Variants in BDP1 observed in about 807,000 individuals in gnomAD.
BDP1 encodes transcription factor TFIIIB component B'' homolog.
In BDP1, 169 loss-of-function variants were observed where a neutral mutation model predicts 266.6. That is an observed-to-expected ratio of 0.63 (90% CI 0.56 to 0.72). The LOEUF is 0.72. BDP1 is among the 30% of genes least tolerant of loss of function. The probability of loss-of-function intolerance (pLI) is 0.00; values close to 1 mark genes in which losing one functional copy is unlikely to be tolerated. For missense variants in BDP1, 3,015 were observed against 3,053.8 expected, an observed-to-expected ratio of 0.99 and a Z score of 0.30; for synonymous variants, 1,090 against 1,022.4, an observed-to-expected ratio of 1.07 and a Z score of -1.26.
chr5:71,546,705 A>G (rs1052841603), intron 32 of BDP1, among the ~76,000 whole-genome samples: 1 of 151,844 alleles, frequency 6.6e-6, no homozygotes, highest in Non-Finnish European at 1.5e-5. Context: ...CTTGTATCTA[A>G]TAAGGACAAG....
intron 18 of BDP1, 93 bp from the exon 19 acceptor site, chr5:71,513,092 A>C: frequency 1.3e-6 from 1 of 742,446 alleles, no homozygotes; most frequent in Non-Finnish European, 2.2e-6. Flanking sequence ...AAAAAAATTA[A>C]ATGTTTACCG....
chr5:71,575,770 G>A, the BDP1 span, among the ~76,000 whole-genome samples: 4 of 152,148 alleles, frequency 2.6e-5, no homozygotes, highest in Non-Finnish European at 4.4e-5. Context: ...ATGCTTAACA[G>A]TCCTACGCTA....
chr5:71,542,379 C>T, intron 30 of BDP1, 114 bp downstream of exon 30: 2 of 981,200 alleles, frequency 2.0e-6, no homozygotes. Flanking sequence ...AAAATAGTTT[C>T]AAATTAAAAA....
At chr5:71,549,732 G>T in intron 34 of BDP1, 126 bp downstream of exon 34, 6 of 743,000 alleles carry the variant, frequency 8.1e-6, no homozygotes, top group Non-Finnish European at 1.2e-5. Context: ...TATCATTTAT[G>T]TGGTAAGTTA....
At chr5:71,511,347 G>T in intron 17 of BDP1, 196 bp downstream of exon 17, 1 of 611,470 alleles carries the variant, frequency 1.6e-6, no homozygotes, top group Non-Finnish European at 2.7e-6. Context: ...ATAACTTTAG[G>T]CTGGGCACAC....
intron 16 of BDP1, among the ~76,000 whole-genome samples, chr5:71,505,870 A>G (rs946751669): frequency 6.6e-6 from 1 of 152,198 alleles, no homozygotes; most frequent in Non-Finnish European, 1.5e-5. Flanking sequence ...TGTCCCTCCA[A>G]AAAAGAAAAG....
At chr5:71,474,724 G>C (rs1762483618) in intron 7 of BDP1, among the ~76,000 whole-genome samples, 1 of 152,030 alleles carries the variant, frequency 6.6e-6, no homozygotes, top group Non-Finnish European at 1.5e-5. Flanking sequence ...GCAGGCACTT[G>C]TAGTCCTAGC....
At chr5:71,535,886 C>A (rs981794610) in intron 26 of BDP1, among the ~76,000 whole-genome samples, 5 of 152,050 alleles carry the variant, frequency 3.3e-5, no homozygotes, top group Non-Finnish European at 7.4e-5. Context: ...AACTCTAATC[C>A]AATATGACCT....
At chr5:71,462,523 G>T (rs535794421) in intron 3 of BDP1, among the ~76,000 whole-genome samples, 1 of 152,100 alleles carries the variant, frequency 6.6e-6, no homozygotes, top group Non-Finnish European at 1.5e-5. Flanking sequence ...GGAGACCAAG[G>T]TGTGTGGGCC....
At position 71,510,686 on chromosome 5, in the gene BDP1, A is replaced by C; in HGVS notation, c.3594A>C (p.Thr1198=). 1 of 1,613,642 alleles carries C rather than the reference A, an allele frequency of 6.2e-7. No individual in the cohort carries two copies. Among genetic ancestry groups the C allele is most frequent in the Non-Finnish European group, 8.5e-7 (1 of 1,179,870 alleles). ...TTGATGCTGCTGAGGTAATAGAGAC[A>C]GATTTGGAAGAAACTGAAAGAGAAA... ...EVIDAAEVIE[T]DLEETEREIS... is the part of the protein sequence containing the mutation. The change falls in exon 17 of 39, where the codon ACA becomes ACC. Residue 1198 remains threonine (T), a synonymous_variant. Coordinates refer to ENST00000358731, the MANE Select transcript of BDP1 (RefSeq NM_018429.3).
In BDP1 at chr5:71,455,664, A is replaced by G; in HGVS notation, c.-214A>G. On this transcript the variant is annotated 5_prime_UTR_variant, in exon 1 of 39. Transcript: ENST00000358731. ...GGATGCTGGGAGGAGGGTGAAATTT[A>G]GCCATCGGTGTGTGGCAGGGTCATG... 1 of 584,928 alleles carries G rather than the reference A, an allele frequency of 1.7e-6. No homozygotes were observed. Among genetic ancestry groups the G allele is most frequent in the Non-Finnish European group, 3.0e-6 (1 of 329,004 alleles). The allele number at this position is 584,928 out of a possible 1,614,324, so 36.2% of individuals were successfully genotyped here.
intron 16 of BDP1, among the ~76,000 whole-genome samples, chr5:71,507,090 G>A (rs1040607889): frequency 2.6e-5 from 4 of 152,074 alleles, no homozygotes; most frequent in Non-Finnish European, 5.9e-5. Context: ...CCAAAGTGCT[G>A]GGATTATAGG....
At chr5:71,498,837 C>T (rs1010966107) in intron 13 of BDP1, among the ~76,000 whole-genome samples, 9 of 151,822 alleles carry the variant, frequency 5.9e-5, no homozygotes, top group Non-Finnish European at 8.8e-5. Flanking sequence ...TATTCTTGTG[C>T]CTCAGCCTCC....
intron 36 of BDP1, among the ~76,000 whole-genome samples, chr5:71,558,408 A>G (rs1315869957): frequency 6.6e-6 from 1 of 151,928 alleles, no homozygotes; most frequent in East Asian, 1.9e-4. Context: ...CTGTAATCCT[A>G]GCTATTTGGG....
intron 8 of BDP1, among the ~76,000 whole-genome samples, chr5:71,484,247 G>T (rs1763126116): frequency 6.6e-6 from 1 of 152,044 alleles, no homozygotes; most frequent in Non-Finnish European, 1.5e-5. Flanking sequence ...GTTCTTTCTG[G>T]TTCTGAATGA....
At chr5:71,552,043 G>A (rs1255902951) in intron 34 of BDP1, among the ~76,000 whole-genome samples, 1 of 150,218 alleles carries the variant, frequency 6.7e-6, no homozygotes, top group East Asian at 2.0e-4. Context: ...GCCGGGCGGA[G>A]ACGCTCCTCA....
chr5:71,563,694 C>G (rs1743836404), intron 38 of BDP1, among the ~76,000 whole-genome samples: 1 of 152,226 alleles, frequency 6.6e-6, no homozygotes, highest in Admixed American at 6.5e-5. Flanking sequence ...GGGCAGATCA[C>G]CTGAGGTGAG....
chr5:71,562,071 C>T (rs550296745), intron 37 of BDP1, among the ~76,000 whole-genome samples: 16 of 151,782 alleles, frequency 1.1e-4, no homozygotes, highest in South Asian at 6.3e-4. Flanking sequence ...GGTGAAACCC[C>T]GTCTCTACTA....
intron 35 of BDP1, among the ~76,000 whole-genome samples, chr5:71,553,973 C>G (rs539182598): frequency 6.6e-6 from 1 of 152,192 alleles, no homozygotes; most frequent in Admixed American, 6.5e-5. Flanking sequence ...CCAGACCATG[C>G]GAATTCAGTC....
Sources: gnomAD v4.1 joint callset for allele counts (sites outside exome capture counted in the v4.1 genomes callset) on GRCh38, gnomAD v4.1.1 for gene constraint, MANE v1.5 for transcripts, NCBI Gene and HGNC (gene_info 2026-07-23, HGNC 2026-07-21) for gene names.